ECE1: variants seen among roughly 807,000 people sequenced by gnomAD.
ECE1 encodes the protein endothelin converting enzyme 1, also known as endothelin-converting enzyme 1.
ECE1 carries 35 observed loss-of-function variants against 98.6 expected under a neutral mutation model. The observed-to-expected ratio is 0.35, with a 90% CI of 0.27 to 0.47. The LOEUF (loss-of-function observed/expected upper bound fraction) is 0.47, where lower values mean the gene tolerates loss of function less well. ECE1 is among the 20% of genes least tolerant of loss of function. The pLI, the probability that ECE1 is intolerant of heterozygous loss-of-function variation, is 1.00. For missense variants in ECE1, 814 were observed against 1,025.3 expected (o/e 0.79, Z 2.81); for synonymous variants, 394 against 407.1 (o/e 0.97, Z 0.39).
intron 1 of ECE1, among the ~76,000 whole-genome samples, chr1:21,320,010 G>A (rs1473737838): frequency 6.6e-6 from 1 of 152,172 alleles, no homozygotes; most frequent in Non-Finnish European, 1.5e-5. Context: ...ATACACCAAC[G>A]ATAGCCGATC....
intron 2 of ECE1, among the ~76,000 whole-genome samples, chr1:21,289,057 C>T (rs796222242): frequency 4.6e-5 from 7 of 152,278 alleles, no homozygotes; most frequent in African/African-American, 1.4e-4. Context: ...TTCTAAGAGG[C>T]GTATCTGAGT....
Position 21,225,803 on chromosome 1 carries a change from T to G in ECE1, c.1850-363A>C, listed in dbSNP as rs565128816. Among the ~76,000 whole-genome samples the G allele has an allele frequency of 6.6e-6, 1 of 151,286 alleles. No homozygotes were observed. The highest frequency in any genetic ancestry group is 1.5e-5 in the Non-Finnish European group (1 of 67,854). On this transcript the variant is annotated intron_variant, in intron 16 of 18. Coordinates refer to ENST00000374893, the MANE Select transcript of ECE1 (RefSeq NM_001397.3). The surrounding 1 kb of genome is among the most constrained non-coding windows in gnomAD (Gnocchi z 5.3). ...GCCTCCTGGGTTCAAGGAATTCTTG[T>G]GCTCAGCCTCTGGAGTAGCTGGGAT...
intron 1 of ECE1, among the ~76,000 whole-genome samples, chr1:21,302,126 CG>C (rs1206697956): frequency 2.0e-5 from 3 of 152,210 alleles, no homozygotes; most frequent in African/African-American, 7.2e-5. Flanking sequence ...GGAGACCCAG[CG>C]GGTATTAGGT....
In ECE1 at chr1:21,237,466, G is replaced by A. The variant is rs1171611285; in HGVS notation, c.1390-622C>T. ...CCCAGCTGCTCACAGGCCAGTCACT[G>A]TAATGGATTTGAATTGCGGTTGGCT... On this transcript the variant is annotated intron_variant, in intron 11 of 18. Transcript: ENST00000374893. Among the ~76,000 whole-genome samples the A allele has an allele frequency of 2.6e-5, 4 of 152,204 alleles. No homozygotes were observed. In the East Asian group the frequency reaches 7.7e-4, roughly 29 times the overall value.
chr1:21,220,601 G>A lies in ECE1; in HGVS notation c.2137-470C>T, dbSNP rs888500705. ...CACTTGAGGCCAGGAGTTCGAGACCGGCCTGACAAACATGGTGAAACCCTG... is the reference window on the plus strand; with the variant it reads ...CACTTGAGGCCAGGAGTTCGAGACCAGCCTGACAAACATGGTGAAACCCTG... On this transcript the variant is annotated intron_variant, in intron 18 of 18. Coordinates refer to ENST00000374893, the MANE Select transcript of ECE1 (RefSeq NM_001397.3). This position sits in a 1 kb window ranked among gnomAD's most constrained non-coding sequence, Gnocchi z 5.0. Among the ~76,000 whole-genome samples, 5 of 151,954 alleles carry A rather than the reference G, an allele frequency of 3.3e-5. No homozygotes were observed. The highest frequency in any genetic ancestry group is 5.9e-5 in the Non-Finnish European group (4 of 67,982).
intron 1 of ECE1, chr1:21,299,242 G>A (rs181230350): frequency 9.9e-6 from 2 of 201,940 alleles, no homozygotes; most frequent in East Asian, 1.1e-4. Context: ...CTGGGCAGAG[G>A]GAGGAGGAAG....
chr1:21,306,786 G>A (rs1020835239), intron 1 of ECE1, among the ~76,000 whole-genome samples: 5 of 152,158 alleles, frequency 3.3e-5, no homozygotes, highest in African/African-American at 2.4e-5. Flanking sequence ...TGCAGAGAGC[G>A]ATGAGTGTTA....
chr1:21,240,358 G>A (rs2098194489), intron 10 of ECE1, among the ~76,000 whole-genome samples: 1 of 151,428 alleles, frequency 6.6e-6, no homozygotes, highest in African/African-American at 2.4e-5. Flanking sequence ...GTGGTGGTAG[G>A]CACCTGTAAC....
intron 4 of ECE1, among the ~76,000 whole-genome samples, chr1:21,269,044 C>A (rs899155311): frequency 3.4e-4 from 52 of 152,206 alleles, no homozygotes; most frequent in African/African-American, 1.2e-3. Context: ...GCTTGGCTGG[C>A]CTGGGCTGAG....
chr1:21,263,086 G>A (rs1480864613), intron 4 of ECE1, among the ~76,000 whole-genome samples: 1 of 152,194 alleles, frequency 6.6e-6, no homozygotes, highest in South Asian at 2.1e-4. Context: ...GCCAAGCAAG[G>A]CCCCGGGGAA....
In ECE1 at chr1:21,221,792, G is replaced by A. The variant is rs2098167765; in HGVS notation, c.2091C>T (p.Thr697=). ...KKNGAEHSLP[T]LGLTNNQLFF... is the part of the protein sequence containing the mutation. Reference sequence around the variant, plus strand: ...AGAGCTGGTTATTGGTGAGGCCCAGGGTGGGGAGCGAGTGCTCAGCCCCGT... The same window carrying A: ...AGAGCTGGTTATTGGTGAGGCCCAGAGTGGGGAGCGAGTGCTCAGCCCCGT... Residue 697 remains threonine, a synonymous_variant, in exon 18 of 19, where the codon ACC becomes ACT. Coordinates refer to ENST00000374893, the MANE Select transcript of ECE1 (RefSeq NM_001397.3). 6.2e-7 allele frequency: 1 copy of A among 1,614,130 alleles called. No homozygotes were observed. The highest frequency in any genetic ancestry group is 8.5e-7 in the Non-Finnish European group (1 of 1,180,056).
intron 1 of ECE1, among the ~76,000 whole-genome samples, chr1:21,302,045 G>A (rs1412261586): frequency 6.6e-6 from 1 of 152,176 alleles, no homozygotes; most frequent in Non-Finnish European, 1.5e-5. Context: ...GGAGCTGCAG[G>A]AAAGCACGTG....
chr1:21,318,713 G>A (rs1638893113), intron 1 of ECE1, among the ~76,000 whole-genome samples: 1 of 152,104 alleles, frequency 6.6e-6, no homozygotes, highest in Admixed American at 6.5e-5. Flanking sequence ...ACACCCCTGA[G>A]TTGGTCACAC....
chr1:21,257,884 C>T (rs1238853616), intron 6 of ECE1, among the ~76,000 whole-genome samples: 1 of 152,248 alleles, frequency 6.6e-6, no homozygotes, highest in Non-Finnish European at 1.5e-5. Context: ...TCTATCTCCC[C>T]AACGCTTTCC....
intron 8 of ECE1, among the ~76,000 whole-genome samples, chr1:21,255,085 T>C (rs933415193): frequency 6.6e-6 from 1 of 152,228 alleles, no homozygotes; most frequent in African/African-American, 2.4e-5. Flanking sequence ...CGGACCCATA[T>C]ACACCTGTCA....
chr1:21,276,827 C>T (rs1477558394), intron 3 of ECE1, among the ~76,000 whole-genome samples: 1 of 152,050 alleles, frequency 6.6e-6, no homozygotes, highest in African/African-American at 2.4e-5. Context: ...CCGGTGTGCA[C>T]CATCACAGCC....
chr1:21,255,247 C>T (rs1373168113), intron 8 of ECE1, among the ~76,000 whole-genome samples: 5 of 152,198 alleles, frequency 3.3e-5, no homozygotes, highest in East Asian at 1.9e-4. Flanking sequence ...GGCCTGGCCA[C>T]GCATTCCTGG....
chr1:21,325,077 A>AG (rs1639049795), intron 1 of ECE1, among the ~76,000 whole-genome samples: 1 of 152,282 alleles, frequency 6.6e-6, no homozygotes. Flanking sequence ...TACACAATAG[A>AG]GGGGGGTTGA....
chr1:21,248,438 T>C (rs1166580013), intron 8 of ECE1, among the ~76,000 whole-genome samples: 1 of 151,110 alleles, frequency 6.6e-6, no homozygotes, highest in Admixed American at 6.6e-5. Flanking sequence ...CCTCCCAAAG[T>C]GCTGGGATTA....
Sources: allele counts gnomAD v4.1 joint callset (sites outside exome capture counted in the v4.1 genomes callset), GRCh38; gene constraint gnomAD v4.1.1; non-coding constraint Gnocchi (gnomAD v3.1); transcripts MANE v1.5; gene names NCBI Gene and HGNC (gene_info 2026-07-23, HGNC 2026-07-21).